MORC3: variants seen among roughly 807,000 people sequenced by gnomAD.
The protein encoded by MORC3 is MORC family CW-type zinc finger 3, also known as MORC family CW-type zinc finger protein 3.
Under a neutral mutation model 109.1 loss-of-function variants are expected in MORC3, and 31 were observed. The ratio of observed to expected loss-of-function variants is 0.28; its 90% CI spans 0.21 to 0.38. The LOEUF (loss-of-function observed/expected upper bound fraction) is 0.38, where lower values mean the gene tolerates loss of function less well. Ranked by LOEUF, MORC3 falls within the 10% of genes least tolerant of loss-of-function variation. The pLI, the probability that MORC3 is intolerant of heterozygous loss-of-function variation, is 1.00. For synonymous variants in MORC3, 395 were observed against 380.7 expected (o/e 1.04, Z -0.44); for missense variants, 867 against 1,135.8 (o/e 0.76, Z 3.40).
chr21:36,356,187 C>G (rs1274831649), intron 9 of MORC3, among the ~76,000 whole-genome samples: 2 of 152,134 alleles, frequency 1.3e-5, no homozygotes, highest in Admixed American at 1.3e-4. Context: ...GTTTACATTT[C>G]TCTTGACTGC....
At chr21:36,336,687 A>C (rs2085379654) in intron 2 of MORC3, among the ~76,000 whole-genome samples, 187 bp from the exon 3 acceptor site, 1 of 152,222 alleles carries the variant, frequency 6.6e-6, no homozygotes, top group Non-Finnish European at 1.5e-5. Flanking sequence ...ACCAGGATGC[A>C]GTTTATTTTC....
chr21:36,333,767 G>GT (rs367762969), intron 2 of MORC3, 49 bp downstream of exon 2: 90,887 of 798,704 alleles, frequency 0.11, 471 homozygotes, highest in African/African-American at 0.18. Context: ...CAATTGTAGT[G>GT]TTTTTTTTTT....
chr21:36,340,634 C>CT (rs2085433516), intron 5 of MORC3, among the ~76,000 whole-genome samples: 1 of 82,054 alleles, frequency 1.2e-5, no homozygotes, highest in South Asian at 9.2e-4. Context: ...TTCTTTCTTT[C>CT]TTTCTTTTTT....
chr21:36,340,314 T>C lies in MORC3; in HGVS notation c.609-1085T>C, dbSNP rs937117633. On this transcript the variant is annotated intron_variant, in intron 5 of 16. Transcript: ENST00000400485. ...AAAAAACTATAGTACAGTAGTACTA[T>C]TGATATTGACAGGATTTTGATGTTG... is the stretch of plus-strand genomic sequence containing the variant. 6.4e-4 allele frequency among the ~76,000 whole-genome samples: 97 copies of C among 151,736 alleles called. 2 individuals are homozygous for C. The highest frequency in any genetic ancestry group is 2.1e-3 in the African/African-American group (88 of 41,432).
intron 14 of MORC3, among the ~76,000 whole-genome samples, chr21:36,366,691 G>A (rs955945014): frequency 6.6e-6 from 1 of 152,152 alleles, no homozygotes; most frequent in African/African-American, 2.4e-5. Context: ...CTAAGCTCAG[G>A]CAATCTGCCT....
chr21:36,326,538 A>G (rs918376771), intron 1 of MORC3, among the ~76,000 whole-genome samples: 1 of 152,056 alleles, frequency 6.6e-6, no homozygotes, highest in Admixed American at 6.6e-5. Context: ...AAATAATAAA[A>G]TGTTTATTTC....
chr21:36,322,953 A>G (rs142435729), intron 1 of MORC3, among the ~76,000 whole-genome samples: 1 of 152,272 alleles, frequency 6.6e-6, no homozygotes, highest in African/African-American at 2.4e-5. Context: ...TGAGCTAGCC[A>G]GGGTAGTATG....
chr21:36,365,126 T>G (rs1472597863), intron 14 of MORC3, among the ~76,000 whole-genome samples: 1 of 150,686 alleles, frequency 6.6e-6, no homozygotes, highest in Non-Finnish European at 1.5e-5. Context: ...TTGCAAAGCC[T>G]ATGGCACACT....
At chr21:36,362,073 T>C (rs1601536166) in intron 12 of MORC3, 110 bp from the exon 13 acceptor site, 2 of 1,132,298 alleles carry the variant, frequency 1.8e-6, no homozygotes, top group East Asian at 4.8e-5. Flanking sequence ...GTTGATTATA[T>C]TGAAATAGAA....
chr21:36,337,537 A>AT (rs2146299335), intron 3 of MORC3, among the ~76,000 whole-genome samples, 195 bp from the exon 4 acceptor site: 1 of 152,262 alleles, frequency 6.6e-6, no homozygotes, highest in African/African-American at 2.4e-5. Flanking sequence ...TGCCCGATAC[A>AT]TAAAAAATCA....
At chr21:36,371,454 G>T (rs1297790734) in intron 15 of MORC3, among the ~76,000 whole-genome samples, 1 of 152,000 alleles carries the variant, frequency 6.6e-6, no homozygotes, top group African/African-American at 2.4e-5. Context: ...GCCTTAAAGT[G>T]CTCAGAACAC....
chr21:36,375,205 T>G lies in MORC3; in HGVS notation c.2729T>G (p.Leu910Arg). The G allele has an allele frequency of 6.2e-7, 1 of 1,614,068 alleles. No individual in the cohort carries two copies. Among genetic ancestry groups the G allele is most frequent in the Non-Finnish European group, 8.5e-7 (1 of 1,179,952 alleles). The change falls in exon 17 of 17, where the codon CTT becomes CGT. Residue 910 changes from leucine (L) to arginine (R), a missense_variant. Around this residue, in one of 7 missense-constraint regions of MORC3, gnomAD observed 34 missense variants for 35.2 expected, o/e 0.97. Transcript: ENST00000400485. ...CTGCTGGCTATGATTGTGCCTGATC[T>G]TGATCTTCAGCAAGTGAATTACGAT... is the stretch of plus-strand genomic sequence containing the variant. ...GQLLAMIVPD[L>R]DLQQVNYDVD...
At chr21:36,325,447 T>A (rs910122597) in intron 1 of MORC3, among the ~76,000 whole-genome samples, 12 of 152,254 alleles carry the variant, frequency 7.9e-5, no homozygotes, top group African/African-American at 2.9e-4. Flanking sequence ...TTTGATTATT[T>A]GTTTATTATT....
In MORC3 at chr21:36,362,198, C is replaced by G. The variant is rs921202078; in HGVS notation, c.1422C>G (p.Phe474Leu). Residue 474 changes from phenylalanine (F) to leucine (L), a missense_variant, in exon 13 of 17, where the codon TTC becomes TTG. By Grantham distance (22) the Phe-to-Leu change is conservative. Transcript: ENST00000400485. ...TATTTTAAAGCAACAAGGAAAAATT[C>G]AGGATCAGACAACCGGAAATGATCC... Reference protein sequence around the residue: ...KTYKKTNKEKFRIRQPEMIPR... With the variant: ...KTYKKTNKEKLRIRQPEMIPR... 12 of 1,610,222 alleles carry G rather than the reference C, an allele frequency of 7.5e-6. No homozygotes were observed. In the African/African-American group the frequency reaches 1.3e-4, roughly 18 times the overall value.
chr21:36,347,410 CCCAA>C (rs2085521514), intron 8 of MORC3, among the ~76,000 whole-genome samples: 1 of 152,266 alleles, frequency 6.6e-6, no homozygotes, highest in South Asian at 2.1e-4. Flanking sequence ...AGCCCATTTT[CCCAA>C]CCGAGTTAAA....
At chr21:36,362,066 G>T in intron 12 of MORC3, 117 bp from the exon 13 acceptor site, 1 of 1,081,404 alleles carries the variant, frequency 9.2e-7, no homozygotes. Context: ...GCTTACTGTT[G>T]ATTATATTGA....
chr21:36,348,088 T>C (rs2085530979), intron 8 of MORC3: 1 of 152,226 alleles, frequency 6.6e-6, no homozygotes, highest in Non-Finnish European at 1.5e-5. Context: ...CTTCATAGAC[T>C]AAGAAGTATA....
chr21:36,358,201 A>G (rs1359173211), intron 10 of MORC3, among the ~76,000 whole-genome samples: 1 of 151,558 alleles, frequency 6.6e-6, no homozygotes, highest in African/African-American at 2.4e-5. Context: ...CCTGATCAAC[A>G]TGGTAAAACC....
Position 36,328,182 on chromosome 21 carries a change from A to G in MORC3, c.40-5464A>G, listed in dbSNP as rs542093627. On this transcript the variant is annotated intron_variant, in intron 1 of 16. Transcript: ENST00000400485. ...GTGAGCCACCACGCCCAGCTGTCCT[A>G]TATTTTTTATTTCACATTTACATAC... Among the ~76,000 whole-genome samples the G allele has an allele frequency of 4.6e-5, 7 of 151,756 alleles. No individual in the cohort carries two copies. In the East Asian group the frequency reaches 1.2e-3, roughly 25 times the overall value.
Sources: allele counts gnomAD v4.1 joint callset (sites outside exome capture counted in the v4.1 genomes callset), GRCh38; gene constraint gnomAD v4.1.1; regional missense constraint gnomAD v4.1.1; transcripts MANE v1.5; gene names NCBI Gene and HGNC (gene_info 2026-07-23, HGNC 2026-07-21).